Variants in AP2A2 observed in about 807,000 individuals in gnomAD.
The protein encoded by AP2A2 is AP-2 complex subunit alpha-2.
Under a neutral mutation model 104.2 loss-of-function variants are expected in AP2A2, and 32 were observed. The ratio of observed to expected loss-of-function variants is 0.31; its 90% confidence interval spans 0.23 to 0.41. The LOEUF is 0.41. Among genes scored for constraint, AP2A2 ranks in the 10% least tolerant of loss-of-function variants. AP2A2 has a pLI of 1.00. For synonymous variants in AP2A2, 539 were observed against 533.3 expected, an observed-to-expected ratio of 1.01 and a Z score of -0.15; for missense variants, 912 against 1,261.0, an observed-to-expected ratio of 0.72 and a Z score of 4.19.
intron 1 of AP2A2, among the ~76,000 whole-genome samples, chr11:937,303 C>T (rs560139045): frequency 1.2e-4 from 18 of 152,050 alleles, no homozygotes; most frequent in East Asian, 5.8e-4. Context: ...TACAGGTGTG[C>T]GCCACCGTGC....
chr11:988,525 C>G (rs2133721610), intron 9 of AP2A2, 27 bp from the exon 10 acceptor site: 1 of 1,602,874 alleles, frequency 6.2e-7, no homozygotes, highest in East Asian at 2.2e-5. Flanking sequence ...GCTCCTGCGA[C>G]CTCTTACTCT....
intron 7 of AP2A2, 148 bp downstream of exon 7, chr11:984,901 C>T (rs184786892): frequency 1.3e-5 from 9 of 704,274 alleles, no homozygotes; most frequent in East Asian, 2.6e-5. Context: ...CTGCTGTATG[C>T]GCTGGCTTTC....
intron 14 of AP2A2, among the ~76,000 whole-genome samples, chr11:999,803 C>CTTTT (rs71022992): frequency 4.0e-5 from 5 of 124,716 alleles, no homozygotes; most frequent in Admixed American, 8.7e-5. Context: ...TTAGTTCTTT[C>CTTTT]TTTTTTTTTT....
At chr11:1,005,399 T>C (rs1856171694) in intron 16 of AP2A2, among the ~76,000 whole-genome samples, 1 of 152,204 alleles carries the variant, frequency 6.6e-6, no homozygotes, top group South Asian at 2.1e-4. Context: ...GAGAACGTTC[T>C]GGAGATGGTG....
intron 4 of AP2A2, among the ~76,000 whole-genome samples, chr11:973,495 C>G (rs952549240): frequency 2.6e-5 from 4 of 152,204 alleles, no homozygotes; most frequent in African/African-American, 9.7e-5. Context: ...AGCGCAAGAG[C>G]TCAGAGATGG....
intron 16 of AP2A2, among the ~76,000 whole-genome samples, chr11:1,006,307 A>G (rs908592315): frequency 6.6e-6 from 1 of 152,210 alleles, no homozygotes; most frequent in Non-Finnish European, 1.5e-5. Flanking sequence ...GGAGGGCGGA[A>G]GTTACCTCTG....
rs572546448 is a variant in AP2A2, at chr11:959,512, A to C, written c.136+7A>C. The C allele has an allele frequency of 2.6e-5, 40 of 1,520,216 alleles. No individual in the cohort carries two copies. Among genetic ancestry groups the C allele is most frequent in the Non-Finnish European group, 3.6e-5 (40 of 1,103,998 alleles). The allele number at this position is 1,520,216 out of a possible 1,614,324, so 94.2% of individuals were successfully genotyped here. A position where few individuals can be genotyped will look rare whatever the true frequency, so the allele number is the denominator to read the frequency against. On this transcript the variant is annotated splice_region_variant and intron_variant, in intron 2 of 21. Coordinates refer to ENST00000448903, the MANE Select transcript of AP2A2 (RefSeq NM_012305.4). The stretch of plus-strand genomic sequence containing the variant: ...ATCAGATCAAAATTTAAAGGTAAGT[A>C]TGTTTAACCTTTTCCATGAAATGTC...
At chr11:994,338 T>C (rs1457516785) in intron 14 of AP2A2, 93 bp downstream of exon 14, 2 of 1,496,306 alleles carry the variant, frequency 1.3e-6, no homozygotes, top group Non-Finnish European at 9.1e-7. Flanking sequence ...GGGAGGAGCA[T>C]GTACTGAGAA....
intron 6 of AP2A2, among the ~76,000 whole-genome samples, chr11:983,671 C>A (rs928216432): frequency 3.3e-5 from 5 of 152,208 alleles, no homozygotes; most frequent in African/African-American, 1.2e-4. Context: ...GCGGGAGCCA[C>A]CGCACCTGGC....
At chr11:952,990 G>A (rs1854101454) in intron 1 of AP2A2, among the ~76,000 whole-genome samples, 1 of 152,204 alleles carries the variant, frequency 6.6e-6, no homozygotes, top group South Asian at 2.1e-4. Flanking sequence ...GACAGGCACT[G>A]GAGGGCTCAG....
intron 16 of AP2A2, among the ~76,000 whole-genome samples, chr11:1,006,211 G>A (rs780489380): frequency 1.3e-4 from 20 of 152,234 alleles, no homozygotes; most frequent in Middle Eastern, 3.2e-3. Flanking sequence ...CAGACGGGGC[G>A]TTCTGTGGGT....
chr11:974,898 T>C (rs1388899303), intron 4 of AP2A2, among the ~76,000 whole-genome samples: 1 of 152,122 alleles, frequency 6.6e-6, no homozygotes, highest in Admixed American at 6.5e-5. Context: ...GGCAGGAGAA[T>C]CGCTTGAACC....
In AP2A2 at chr11:926,028, G is replaced by A; in HGVS notation, c.7G>A (p.Ala3Thr). The change falls in exon 1 of 22, where the codon GCC becomes ACC. Residue 3 changes from alanine (A) to threonine (T), a missense_variant. Around this residue, in one of 7 missense-constraint regions of AP2A2, gnomAD observed 43 missense variants for 47.0 expected, o/e 0.91. Transcript: ENST00000448903. MP[A>T]VSKGDGMRGL... is the part of the protein sequence containing the mutation. ...CGCTCCCGAGCGTCGGAAGATGCCG[G>A]CCGTGTCCAAGGGGGACGGGATGCG... 2.1e-6 allele frequency: 3 copies of A among 1,410,848 alleles called. No homozygotes were observed. Among genetic ancestry groups the A allele is most frequent in the South Asian group, 1.5e-5 (1 of 66,624 alleles). 87.4% of individuals were successfully genotyped at this position (1,410,848 alleles called of 1,614,324 possible).
chr11:988,033 C>T (rs1469778264), intron 9 of AP2A2, among the ~76,000 whole-genome samples: 4 of 152,272 alleles, frequency 2.6e-5, no homozygotes, highest in Non-Finnish European at 2.9e-5. Context: ...CTCATTTGCA[C>T]ACGGCCAGTG....
chr11:996,499 G>A (rs1458812346), intron 14 of AP2A2, among the ~76,000 whole-genome samples: 1 of 152,202 alleles, frequency 6.6e-6, no homozygotes, highest in East Asian at 1.9e-4. Flanking sequence ...GTCCTGAGAA[G>A]TGAGGTGTGC....
At chr11:970,562 A>T (rs1854784285) in intron 3 of AP2A2, among the ~76,000 whole-genome samples, 1 of 152,256 alleles carries the variant, frequency 6.6e-6, no homozygotes, top group Admixed American at 6.5e-5. Context: ...CTCCTCCTGC[A>T]TGCGGTTTTC....
rs75805530 is a variant in AP2A2 at position 953,839 on chromosome 11, T to C, written c.68-5598T>C. Among the ~76,000 whole-genome samples, 282 of 145,814 alleles carry C rather than the reference T, an allele frequency of 1.9e-3. 1 individual carries two copies. Among genetic ancestry groups the C allele is most frequent in the African/African-American group, 6.3e-3 (253 of 40,324 alleles). On this transcript the variant is annotated intron_variant, in intron 1 of 21. Coordinates refer to ENST00000448903, the MANE Select transcript of AP2A2 (RefSeq NM_012305.4). Reference sequence around the variant, plus strand: ...CTACTCTTCTCTCTACCTTCTCTCTTTTTTTTTTTTTTTGAGATGGAGTCT... The same window carrying C: ...CTACTCTTCTCTCTACCTTCTCTCTCTTTTTTTTTTTTTGAGATGGAGTCT...
At chr11:988,981 C>T (rs1056929069) in intron 10 of AP2A2, among the ~76,000 whole-genome samples, 91 of 151,976 alleles carry the variant, frequency 6.0e-4, no homozygotes, top group Non-Finnish European at 1.8e-4. Context: ...GGCAACACAG[C>T]GAGACCCTGT....
intron 1 of AP2A2, among the ~76,000 whole-genome samples, chr11:927,183 G>A (rs1853147825): frequency 6.6e-6 from 1 of 151,892 alleles, no homozygotes; most frequent in African/African-American, 2.4e-5. Flanking sequence ...CTCAGCCTCC[G>A]GAGTCACTGG....
Sources: gnomAD v4.1 joint callset for allele counts (sites outside exome capture counted in the v4.1 genomes callset) on GRCh38, gnomAD v4.1.1 for gene constraint, gnomAD v4.1.1 regional missense constraint, MANE v1.5 for transcripts, NCBI Gene and HGNC (gene_info 2026-07-23, HGNC 2026-07-21) for gene names.